Variants in CLOCK observed in about 807,000 individuals in gnomAD.
CLOCK encodes circadian locomoter output cycles protein kaput.
A neutral mutation model predicts 118.4 loss-of-function variants in CLOCK; 43 were observed. The ratio of observed to expected loss-of-function variants is 0.36; its 90% confidence interval spans 0.28 to 0.47. CLOCK has a LOEUF of 0.47. Among genes scored for constraint, CLOCK ranks in the 20% least tolerant of loss-of-function variants. CLOCK has a pLI of 1.00. For synonymous variants in CLOCK, 326 were observed against 339.2 expected, an observed-to-expected ratio of 0.96 and a Z score of 0.43; for missense variants, 846 against 999.9, an observed-to-expected ratio of 0.85 and a Z score of 2.08.
At chr4:55,515,631 C>G (rs1407927993) in intron 1 of CLOCK, among the ~76,000 whole-genome samples, 1 of 152,204 alleles carries the variant, frequency 6.6e-6, no homozygotes, top group Non-Finnish European at 1.5e-5. Flanking sequence ...GATCCACCCA[C>G]CTCTGCCTCC....
At chr4:55,449,555 T>A in intron 16 of CLOCK, 59 bp from the exon 17 acceptor site, 2 of 1,383,990 alleles carry the variant, frequency 1.4e-6, no homozygotes, top group Non-Finnish European at 2.1e-6. Flanking sequence ...TTTTAAAGAT[T>A]AATCTCAAAA....
chr4:55,518,647 G>T (rs1314895204), intron 1 of CLOCK, among the ~76,000 whole-genome samples: 1 of 152,126 alleles, frequency 6.6e-6, no homozygotes, highest in East Asian at 1.9e-4. Flanking sequence ...CCTTATAAAA[G>T]GCCTGAGGGA....
At chr4:55,487,681 C>T (rs1727387162) in intron 3 of CLOCK, among the ~76,000 whole-genome samples, 1 of 152,042 alleles carries the variant, frequency 6.6e-6, no homozygotes, top group Admixed American at 6.6e-5. Flanking sequence ...TATAATTACC[C>T]CTTAAACAGA....
chr4:55,453,959 A>C lies in CLOCK; in HGVS notation c.983-135T>G, dbSNP rs1289201562. ...TGGCCTTTTGATAACATATATGTCAATATGAAAATGTTATTCTTTAGAGCT... is the reference window on the plus strand; with the variant it reads ...TGGCCTTTTGATAACATATATGTCACTATGAAAATGTTATTCTTTAGAGCT... On this transcript the variant is annotated intron_variant, in intron 13 of 22. Transcript: ENST00000513440. The C allele has an allele frequency of 4.0e-5, 27 of 671,060 alleles. No individual in the cohort carries two copies. The Admixed American group carries it at 8.0e-4, about 20-fold the overall frequency. The allele number at this position is 671,060 out of a possible 1,614,324, so 41.6% of individuals were successfully genotyped here. A position where few individuals can be genotyped will look rare whatever the true frequency, so the allele number is the denominator to read the frequency against.
chr4:55,523,506 C>T (rs1330665158), intron 1 of CLOCK, among the ~76,000 whole-genome samples: 2 of 152,078 alleles, frequency 1.3e-5, no homozygotes, highest in African/African-American at 4.8e-5. Flanking sequence ...AAAATTGACA[C>T]TGAAAAATTA....
chr4:55,538,586 G>T (rs1369644922), intron 1 of CLOCK, among the ~76,000 whole-genome samples: 3 of 152,060 alleles, frequency 2.0e-5, no homozygotes, highest in Non-Finnish European at 4.4e-5. Context: ...TTTAATATAT[G>T]TGTAATTAGG....
chr4:55,440,579 A>G (rs997664973), intron 21 of CLOCK, among the ~76,000 whole-genome samples: 2 of 152,200 alleles, frequency 1.3e-5, no homozygotes, highest in African/African-American at 4.8e-5. Context: ...ACAACCAAAT[A>G]CTTTAATGCA....
chr4:55,510,757 A>T (rs1436087485), intron 1 of CLOCK, among the ~76,000 whole-genome samples: 1 of 152,102 alleles, frequency 6.6e-6, no homozygotes, highest in East Asian at 1.9e-4. Flanking sequence ...CAAAGGGAAC[A>T]GTGTGTTCAA....
chr4:55,515,371 C>T (rs1729439344), intron 1 of CLOCK, among the ~76,000 whole-genome samples: 1 of 151,872 alleles, frequency 6.6e-6, no homozygotes, highest in African/African-American at 2.4e-5. Context: ...TTTTCCATTT[C>T]ACTGGCTGTT....
intron 2 of CLOCK, chr4:55,501,491 C>A (rs1728444070): frequency 7.0e-6 from 1 of 142,924 alleles, no homozygotes; most frequent in South Asian, 2.2e-4. Flanking sequence ...AATCACAGCT[C>A]ACTGCAACCT....
chr4:55,458,309 G>A (rs993007350), intron 11 of CLOCK, among the ~76,000 whole-genome samples: 5 of 151,914 alleles, frequency 3.3e-5, no homozygotes, highest in Admixed American at 6.6e-5. Flanking sequence ...CAATCCTCTC[G>A]CCTTGCTCTC....
chr4:55,546,521 CCCAGGTCT>C (rs1344163133), intron 1 of CLOCK: 10 of 151,848 alleles, frequency 6.6e-5, no homozygotes, highest in African/African-American at 2.4e-4. Context: ...CCCTCCCCCA[CCCAGGTCT>C]CCCGCTGCGG....
chr4:55,438,243 T>G, intron 22 of CLOCK, 39 bp downstream of exon 22: 1 of 1,610,480 alleles, frequency 6.2e-7, no homozygotes, highest in Middle Eastern at 1.7e-4. Flanking sequence ...TACATGAAAG[T>G]AAATGAGTTT....
chr4:55,484,934 G>A (rs572534517), intron 3 of CLOCK, among the ~76,000 whole-genome samples: 9 of 152,014 alleles, frequency 5.9e-5, no homozygotes, highest in Middle Eastern at 3.4e-3. Flanking sequence ...ATTATTTGTC[G>A]TCCAGCTAAT....
intron 21 of CLOCK, among the ~76,000 whole-genome samples, chr4:55,439,681 GGAAA>G (rs1243861177): frequency 6.6e-6 from 1 of 152,102 alleles, no homozygotes. Context: ...GCCTTAAAAA[GGAAA>G]GAAATTCTGA....
chr4:55,531,243 A>T (rs1052911525), intron 1 of CLOCK, among the ~76,000 whole-genome samples: 5 of 152,132 alleles, frequency 3.3e-5, no homozygotes, highest in Non-Finnish European at 7.4e-5. Flanking sequence ...AAAAAAAAAT[A>T]GCCCCAGCAC....
intron 1 of CLOCK, among the ~76,000 whole-genome samples, chr4:55,531,104 A>G (rs1730512413): frequency 6.6e-6 from 1 of 152,180 alleles, no homozygotes; most frequent in Non-Finnish European, 1.5e-5. Flanking sequence ...GGAAAAGATG[A>G]ACAAAAAGTC....
intron 22 of CLOCK, among the ~76,000 whole-genome samples, chr4:55,436,911 T>A (rs1455185019): frequency 6.9e-6 from 1 of 145,164 alleles, no homozygotes; most frequent in African/African-American, 2.8e-5. Flanking sequence ...TTTTTTTTTT[T>A]TGAGAATGTT....
intron 22 of CLOCK, among the ~76,000 whole-genome samples, chr4:55,437,134 G>A (rs181486550): frequency 1.2e-3 from 183 of 152,252 alleles, no homozygotes; most frequent in African/African-American, 4.3e-3. Flanking sequence ...CTAAAAGACT[G>A]TATGACTCTC....
Sources: gnomAD v4.1 joint callset for allele counts (sites outside exome capture counted in the v4.1 genomes callset) on GRCh38, gnomAD v4.1.1 for gene constraint, MANE v1.5 for transcripts, NCBI Gene and HGNC (gene_info 2026-07-23, HGNC 2026-07-21) for gene names.